MAGI3: variants seen among roughly 807,000 people sequenced by gnomAD.
MAGI3 encodes the protein membrane associated guanylate kinase, WW and PDZ domain containing 3, also known as membrane-associated guanylate kinase, WW and PDZ domain-containing protein 3.
MAGI3 carries 43 observed loss-of-function variants against 121.8 expected under a neutral mutation model. That is an observed-to-expected ratio of 0.35 (90% CI 0.28 to 0.46). The LOEUF is 0.46. Among genes scored for constraint, MAGI3 ranks in the 20% least tolerant of loss-of-function variants. The pLI, the probability that MAGI3 is intolerant of heterozygous loss-of-function variation, is 1.00. For missense variants in MAGI3, 1,547 were observed against 1,797.3 expected (o/e 0.86, Z 2.52); for synonymous variants, 553 against 639.3 (o/e 0.86, Z 2.04).
Position 113,558,657 on chromosome 1 carries a change from C to A in MAGI3, c.433+9026C>A, listed in dbSNP as rs1357437757. 3.3e-5 allele frequency among the ~76,000 whole-genome samples: 5 copies of A among 152,190 alleles called. No individual in the cohort carries two copies. In the East Asian group the frequency reaches 9.7e-4, roughly 29 times the overall value. ...TACTTCAGGATATCATCAAAGAGAA[C>A]TTCCCCAACCTAGCAAGACAGGCCA... On this transcript the variant is annotated intron_variant, in intron 2 of 20. Transcript: ENST00000307546.
intron 2 of MAGI3, among the ~76,000 whole-genome samples, chr1:113,558,584 CTG>C (rs1393800418): frequency 1.3e-5 from 2 of 151,798 alleles, no homozygotes; most frequent in African/African-American, 4.8e-5. Flanking sequence ...CTACGACTGA[CTG>C]GGGTACCTGA....
chr1:113,391,066 G>T lies in MAGI3; in HGVS notation c.33G>T (p.Trp11Cys). MSKTLKKKKH[W>C]LSKVQECAVS... ...AGACGCTGAAGAAGAAGAAGCACTGGCTCAGCAAGGTGCAGGAGTGCGCCG... is the reference window on the plus strand; with the variant it reads ...AGACGCTGAAGAAGAAGAAGCACTGTCTCAGCAAGGTGCAGGAGTGCGCCG... Residue 11 changes from tryptophan (W) to cysteine (C), a missense_variant, in exon 1 of 21, where the codon TGG (tryptophan) becomes TGT (cysteine). Transcript: ENST00000307546. This position sits in a 1 kb window ranked among gnomAD's most constrained non-coding sequence, Gnocchi z 4.4. The T allele has an allele frequency of 6.3e-7, 1 of 1,591,668 alleles. No individual in the cohort carries two copies. Among genetic ancestry groups the T allele is most frequent in the Non-Finnish European group, 8.5e-7 (1 of 1,170,068 alleles).
At chr1:113,420,023 G>C (rs553282542) in intron 1 of MAGI3, among the ~76,000 whole-genome samples, 1 of 152,160 alleles carries the variant, frequency 6.6e-6, no homozygotes, top group Non-Finnish European at 1.5e-5. Context: ...GCAGTCCAAA[G>C]GGATAGAATT....
At chr1:113,633,836 G>C (rs1211226143) in intron 9 of MAGI3, among the ~76,000 whole-genome samples, 9 of 152,148 alleles carry the variant, frequency 5.9e-5, no homozygotes, top group Admixed American at 1.3e-4. Flanking sequence ...GGTTGAACTA[G>C]TTTACAGTCC....
intron 1 of MAGI3, among the ~76,000 whole-genome samples, chr1:113,454,514 T>C (rs1373251057): frequency 1.3e-5 from 2 of 152,210 alleles, no homozygotes; most frequent in African/African-American, 4.8e-5. Context: ...TATTTTATTA[T>C]ACTTTAAGTT....
chr1:113,595,733 A>G (rs72687994), intron 6 of MAGI3, among the ~76,000 whole-genome samples: 3,826 of 152,328 alleles, frequency 0.025, 90 homozygotes, highest in Admixed American at 0.089. Flanking sequence ...ATTGAAAGAC[A>G]TAGGAAGACT....
chr1:113,586,339 G>A (rs1258234842), intron 4 of MAGI3, among the ~76,000 whole-genome samples: 1 of 152,000 alleles, frequency 6.6e-6, no homozygotes, highest in Non-Finnish European at 1.5e-5. Flanking sequence ...TCAAAAACAT[G>A]CCTGGCATGT....
At chr1:113,590,742 A>G (rs1258993286) in intron 5 of MAGI3, 84 bp downstream of exon 5, 20 of 1,265,700 alleles carry the variant, frequency 1.6e-5, no homozygotes, top group Non-Finnish European at 1.9e-5. Context: ...TTTTAGACAC[A>G]TACCTTTTTC....
intron 9 of MAGI3, among the ~76,000 whole-genome samples, chr1:113,637,300 A>G (rs1285723898): frequency 6.6e-6 from 1 of 152,162 alleles, no homozygotes; most frequent in Non-Finnish European, 1.5e-5. Context: ...TTTGCTCGTT[A>G]GTTGATGCAG....
In MAGI3 at chr1:113,390,753, T is replaced by C. The variant is rs898976947; in HGVS notation, c.-281T>C. ...GCCCGAAGCCCCTTCTGGAACCTCC[T>C]GGGGACAATTCCCTTTTCCTTTCTT... On this transcript the variant is annotated 5_prime_UTR_variant, in exon 1 of 21. Transcript: ENST00000307546. The C allele has an allele frequency of 1.7e-5, 3 of 180,828 alleles. No homozygotes were observed. Among genetic ancestry groups the C allele is most frequent in the African/African-American group, 7.1e-5 (3 of 42,112 alleles). The allele number at this position is 180,828 out of a possible 1,614,324, so 11.2% of individuals were successfully genotyped here.
At chr1:113,429,512 T>C (rs1250010116) in intron 1 of MAGI3, among the ~76,000 whole-genome samples, 1 of 152,196 alleles carries the variant, frequency 6.6e-6, no homozygotes, top group Non-Finnish European at 1.5e-5. Context: ...TTACACTCTA[T>C]GTAAATGAAG....
chr1:113,416,168 GTAATTAATGACACAT>G (rs1557744045), intron 1 of MAGI3, among the ~76,000 whole-genome samples: 6 of 91,612 alleles, frequency 6.5e-5, no homozygotes, highest in Non-Finnish European at 1.2e-4. Flanking sequence ...ATATTATTAT[GTAATTAATGACACAT>G]ATTAATTATG....
chr1:113,399,115 T>C (rs12144505), intron 1 of MAGI3, among the ~76,000 whole-genome samples: 9,452 of 146,002 alleles, frequency 0.065, 317 homozygotes, highest in Non-Finnish European at 0.076. Context: ...CTGGGTTGGA[T>C]TTTTTCTCAG....
chr1:113,633,622 A>C (rs1651809123), intron 9 of MAGI3, among the ~76,000 whole-genome samples: 1 of 151,960 alleles, frequency 6.6e-6, no homozygotes, highest in African/African-American at 2.4e-5. Flanking sequence ...CATTTTCTTA[A>C]TCCAGTCTAT....
intron 2 of MAGI3, among the ~76,000 whole-genome samples, chr1:113,555,313 A>G (rs1557820655): frequency 6.6e-6 from 1 of 152,250 alleles, no homozygotes; most frequent in Non-Finnish European, 1.5e-5. Context: ...GGTGGAAGAG[A>G]AATGATATCA....
chr1:113,641,473 A>C (rs532245966), intron 9 of MAGI3, among the ~76,000 whole-genome samples: 6 of 152,018 alleles, frequency 3.9e-5, no homozygotes, highest in African/African-American at 1.4e-4. Context: ...ATATACATAC[A>C]TACAGATATA....
intron 1 of MAGI3, among the ~76,000 whole-genome samples, chr1:113,409,612 T>A (rs1191990618): frequency 1.3e-5 from 2 of 152,088 alleles, no homozygotes; most frequent in East Asian, 1.9e-4. Context: ...TAGGTAAGAT[T>A]GTAAAGTGAA....
intron 2 of MAGI3, among the ~76,000 whole-genome samples, chr1:113,573,119 G>T (rs897659834): frequency 8.5e-5 from 13 of 152,120 alleles, no homozygotes; most frequent in African/African-American, 3.1e-4. Context: ...TAGAGACAGG[G>T]TTTCACCGTT....
rs150868959 is a variant in MAGI3 at position 113,639,800 on chromosome 1, T to C, written c.1361-2111T>C. 4.0e-3 allele frequency among the ~76,000 whole-genome samples: 603 copies of C among 152,284 alleles called. 1 individual carries two copies. Among genetic ancestry groups the C allele is most frequent in the African/African-American group, 0.014 (572 of 41,560 alleles). On this transcript the variant is annotated intron_variant, in intron 9 of 20. Coordinates refer to ENST00000307546, the MANE Select transcript of MAGI3 (RefSeq NM_001142782.2). ...CCAGGCTGGTCTTGAACTCCTGACC[T>C]CAGGTGATCCACCTGCCTCAGCCTC...
Sources: gnomAD v4.1 joint callset for allele counts (sites outside exome capture counted in the v4.1 genomes callset) on GRCh38, gnomAD v4.1.1 for gene constraint, Gnocchi (gnomAD v3.1) non-coding constraint, MANE v1.5 for transcripts, NCBI Gene and HGNC (gene_info 2026-07-23, HGNC 2026-07-21) for gene names.